The following PABPC4L variants were observed in gnomAD, a reference collection of about 807,000 sequenced individuals.
PABPC4L encodes poly(A) binding protein cytoplasmic 4 like, also known as polyadenylate-binding protein 4-like.
For synonymous variants in PABPC4L, 169 were observed against 164.1 expected, an observed-to-expected ratio of 1.03 and a Z score of -0.23; for missense variants, 452 against 451.4, an observed-to-expected ratio of 1.00 and a Z score of -0.01.
intron 1 of PABPC4L, 41 bp from the exon 2 acceptor site, chr4:134,201,286 C>T (rs1225799649): frequency 7.0e-7 from 1 of 1,434,500 alleles, no homozygotes; most frequent in Non-Finnish European, 9.3e-7. Context: ...CAAGACGTTC[C>T]TTCCCCTCAG....
At chr4:133,979,025 C>T in the PABPC4L span, 6 of 152,084 alleles carry the variant, frequency 3.9e-5, no homozygotes, top group African/African-American at 1.2e-4. Context: ...GAGATTGATG[C>T]TTTCAAGATC....
chr4:134,129,429 A>G, the PABPC4L span, among the ~76,000 whole-genome samples: 1 of 152,062 alleles, frequency 6.6e-6, no homozygotes, highest in Admixed American at 6.6e-5. Flanking sequence ...ATAGGCCACA[A>G]AACAGTCTCA....
chr4:134,085,986 C>T, the PABPC4L span, among the ~76,000 whole-genome samples: 61 of 152,154 alleles, frequency 4.0e-4, no homozygotes, highest in East Asian at 1.2e-3. Flanking sequence ...AAAATTTCTT[C>T]CAACTGATTG....
chr4:134,015,640 C>T, the PABPC4L span, among the ~76,000 whole-genome samples: 6 of 152,100 alleles, frequency 3.9e-5, no homozygotes, highest in African/African-American at 1.2e-4. Flanking sequence ...CCCTGCTGAG[C>T]GTGTCTGACT....
At chr4:134,080,995 C>A in the PABPC4L span, among the ~76,000 whole-genome samples, 10 of 151,972 alleles carry the variant, frequency 6.6e-5, no homozygotes, top group African/African-American at 2.2e-4. Context: ...AGTCAGACTC[C>A]AAAGCAATTT....
the PABPC4L span, among the ~76,000 whole-genome samples, chr4:134,048,899 A>G: frequency 6.6e-6 from 1 of 152,084 alleles, no homozygotes; most frequent in Admixed American, 6.6e-5. Context: ...CCTAAATTTT[A>G]AAGTTTGTCT....
downstream of PABPC4L, among the ~76,000 whole-genome samples, chr4:134,191,781 T>G (rs545928752): frequency 3.3e-5 from 5 of 150,744 alleles, no homozygotes; most frequent in South Asian, 1.0e-3. Context: ...AAGAGGAAAA[T>G]TTTCAAATCA....
At chr4:134,194,753 C>T (rs1191528261), downstream of PABPC4L, among the ~76,000 whole-genome samples, 3 of 151,690 alleles carry the variant, frequency 2.0e-5, no homozygotes, top group African/African-American at 7.2e-5. Context: ...ACTATCCTGA[C>T]AGTTTTAAAA....
At chr4:134,074,774 G>GAAGC in the PABPC4L span, among the ~76,000 whole-genome samples, 1 of 152,094 alleles carries the variant, frequency 6.6e-6, no homozygotes, top group Non-Finnish European at 1.5e-5. Flanking sequence ...GAGAGAGGTG[G>GAAGC]AAGCAAAAAG....
At chr4:134,194,144 C>T (rs1729588973), downstream of PABPC4L, among the ~76,000 whole-genome samples, 1 of 151,734 alleles carries the variant, frequency 6.6e-6, no homozygotes, top group Admixed American at 6.6e-5. Flanking sequence ...ATGTTGCCTG[C>T]CTTGGGGGTG....
chr4:134,113,264 A>G, the PABPC4L span, among the ~76,000 whole-genome samples: 1 of 151,960 alleles, frequency 6.6e-6, no homozygotes, highest in Admixed American at 6.6e-5. Flanking sequence ...ATAGGGTACA[A>G]TAATGTCCTA....
chr4:134,178,758 G>C, the PABPC4L span, among the ~76,000 whole-genome samples: 7 of 152,040 alleles, frequency 4.6e-5, no homozygotes, highest in Non-Finnish European at 8.8e-5. Flanking sequence ...ACAGTCTCAA[G>C]TATTAACAGC....
At chr4:134,122,219 G>A in the PABPC4L span, among the ~76,000 whole-genome samples, 60 of 151,586 alleles carry the variant, frequency 4.0e-4, no homozygotes, top group Admixed American at 1.1e-3. Context: ...TCAAATCAGC[G>A]TTCATTTCAG....
At chr4:134,183,936 G>GT in the PABPC4L span, among the ~76,000 whole-genome samples, 12 of 151,270 alleles carry the variant, frequency 7.9e-5, no homozygotes, top group Non-Finnish European at 1.6e-4. Context: ...GTGTGTGTGT[G>GT]TGTAGAACTT....
the PABPC4L span, among the ~76,000 whole-genome samples, chr4:134,007,736 A>T: frequency 6.6e-6 from 1 of 151,726 alleles, no homozygotes. Flanking sequence ...TAGCATTTTT[A>T]AAAATATCTG....
chr4:133,981,245 A>C, the PABPC4L span, among the ~76,000 whole-genome samples: 1 of 152,190 alleles, frequency 6.6e-6, no homozygotes. Context: ...TTATTGCTGA[A>C]ATACTTTTAG....
At chr4:133,996,483 T>G in the PABPC4L span, among the ~76,000 whole-genome samples, 1 of 152,178 alleles carries the variant, frequency 6.6e-6, no homozygotes, top group African/African-American at 2.4e-5. Flanking sequence ...CTGTTGCTGT[T>G]GAGCTGATAA....
the PABPC4L span, among the ~76,000 whole-genome samples, chr4:134,069,329 G>C: frequency 1.3e-5 from 2 of 152,078 alleles, no homozygotes; most frequent in Non-Finnish European, 2.9e-5. Context: ...TAGTATCTCA[G>C]AGGGGTTCTC....
At chr4:133,972,656 T>C in the PABPC4L span, among the ~76,000 whole-genome samples, 1 of 152,192 alleles carries the variant, frequency 6.6e-6, no homozygotes, top group African/African-American at 2.4e-5. Flanking sequence ...AGGACTGCCA[T>C]GGCAAATCAT....
Sources: gnomAD v4.1 joint callset for allele counts (sites outside exome capture counted in the v4.1 genomes callset) on GRCh38, gnomAD v4.1.1 for gene constraint, MANE v1.5 for transcripts, NCBI Gene and HGNC (gene_info 2026-07-23, HGNC 2026-07-21) for gene names.